The following GLP2R variants were observed in gnomAD, a reference collection of about 807,000 sequenced individuals.
The protein encoded by GLP2R is glucagon like peptide 2 receptor.
In GLP2R, 59 loss-of-function variants were observed where a neutral mutation model predicts 68.2. That is an observed-to-expected ratio of 0.87 (90% CI 0.70 to 1.07). The LOEUF is 1.07. Ranked by LOEUF, GLP2R falls within the 50% of genes least tolerant of loss-of-function variation. The pLI is 0.00. For synonymous variants in GLP2R, 270 were observed against 265.4 expected (o/e 1.02, Z -0.17); for missense variants, 548 against 677.4 (o/e 0.81, Z 2.12).
intron 9 of GLP2R, 32 bp downstream of exon 9, chr17:9,862,122 G>A (rs79952508): frequency 2.0e-5 from 31 of 1,525,126 alleles, no homozygotes; most frequent in East Asian, 6.8e-5. Flanking sequence ...TCTTTGTCTC[G>A]GAGCCTAGCA....
intron 3 of GLP2R, among the ~76,000 whole-genome samples, chr17:9,842,116 G>A (rs9904617): frequency 0.11 from 16,560 of 152,114 alleles, 1,051 homozygotes; most frequent in Middle Eastern, 0.2. Context: ...TGTCAGCCAC[G>A]TGCCCACCAC....
rs762695419 is a variant in GLP2R at position 9,842,478 on chromosome 17, G to A, written c.383-17G>A. 6.2e-7 allele frequency: 1 copy of A among 1,614,050 alleles called. No individual in the cohort carries two copies. Among genetic ancestry groups the A allele is most frequent in the Non-Finnish European group, 8.5e-7 (1 of 1,179,956 alleles). ...TGTGTGTTCTGACCTTTCCTCCAGA[G>A]CTTTGTTTACTTTCAGAGAGCTCAG... On this transcript the variant is annotated splice_polypyrimidine_tract_variant and intron_variant, in intron 3 of 12. Transcript: ENST00000262441.
intron 1 of GLP2R, among the ~76,000 whole-genome samples, chr17:9,830,614 G>A (rs2066671775): frequency 6.6e-6 from 1 of 152,162 alleles, no homozygotes; most frequent in Admixed American, 6.5e-5. Flanking sequence ...CTGTGTGCTT[G>A]TATACCCCAG....
chr17:9,844,851 C>A (rs1297891046), intron 4 of GLP2R, among the ~76,000 whole-genome samples: 2 of 150,472 alleles, frequency 1.3e-5, no homozygotes, highest in African/African-American at 2.4e-5. Flanking sequence ...CCACCACGCC[C>A]GTCTAATTTT....
chr17:9,879,981 A>C (rs2067180834), intron 10 of GLP2R, among the ~76,000 whole-genome samples: 1 of 152,196 alleles, frequency 6.6e-6, no homozygotes, highest in South Asian at 2.1e-4. Flanking sequence ...AGTCCGGAGT[A>C]AAGAAAGAGA....
At chr17:9,826,911 G>C (rs1045054187) in intron 1 of GLP2R, among the ~76,000 whole-genome samples, 3 of 151,928 alleles carry the variant, frequency 2.0e-5, no homozygotes, top group African/African-American at 7.3e-5. Context: ...TCGCTCTGTC[G>C]CCCAGGCTGA....
At chr17:9,880,553 G>A in intron 11 of GLP2R, 37 bp downstream of exon 11, 1 of 1,472,548 alleles carries the variant, frequency 6.8e-7, no homozygotes, top group Non-Finnish European at 9.3e-7. Context: ...CTTGACTTTG[G>A]AGAAAACAAA....
chr17:9,867,127 A>G (rs1435452111), intron 9 of GLP2R: 1 of 152,218 alleles, frequency 6.6e-6, no homozygotes, highest in Non-Finnish European at 1.5e-5. Context: ...AACTTGGTCA[A>G]ATTTGAGCCT....
intron 3 of GLP2R, among the ~76,000 whole-genome samples, chr17:9,841,076 G>A (rs191233533): frequency 8.1e-5 from 12 of 149,056 alleles, no homozygotes; most frequent in African/African-American, 3.0e-4. Flanking sequence ...GAATGCAATG[G>A]CGTGATCTCA....
chr17:9,884,086 A>C (rs1049990716), intron 11 of GLP2R, among the ~76,000 whole-genome samples: 3 of 152,202 alleles, frequency 2.0e-5, no homozygotes, highest in African/African-American at 7.2e-5. Flanking sequence ...CAAGAATATC[A>C]CAGGAGAAGA....
chr17:9,883,820 A>C (rs2067217822), intron 11 of GLP2R, among the ~76,000 whole-genome samples: 1 of 152,210 alleles, frequency 6.6e-6, no homozygotes, highest in African/African-American at 2.4e-5. Context: ...ACTGAGAGAA[A>C]TCATTATTGG....
Position 9,841,165 on chromosome 17 carries a change from C to T in GLP2R, c.383-1330C>T, listed in dbSNP as rs143922608. Among the ~76,000 whole-genome samples the T allele has an allele frequency of 6.2e-3, 932 of 150,692 alleles. 12 individuals carry two copies. Among genetic ancestry groups the T allele is most frequent in the African/African-American group, 0.021 (845 of 41,048 alleles). On this transcript the variant is annotated intron_variant, in intron 3 of 12. Coordinates refer to ENST00000262441, the MANE Select transcript of GLP2R (RefSeq NM_004246.3). ...CCTAGTAGCTGGGACTACAGGAGCT[C>T]GCTACCATGCCTAGCTAATTTTTTT...
chr17:9,828,002 C>T lies in GLP2R; in HGVS notation c.189+1750C>T, dbSNP rs111980252. Among the ~76,000 whole-genome samples, 954 of 150,880 alleles carry T rather than the reference C, an allele frequency of 6.3e-3. 5 individuals are homozygous for T. The highest frequency in any genetic ancestry group is 0.021 in the African/African-American group (865 of 40,846). The stretch of plus-strand genomic sequence containing the variant: ...AAAAGGAATGGCTGTCTTCCTCCTT[C>T]GTTCCATGGGCAGGGTGAGTCCCTG... On this transcript the variant is annotated intron_variant, in intron 1 of 12. Transcript: ENST00000262441.
At chr17:9,884,866 C>T (rs1020590127) in intron 11 of GLP2R, among the ~76,000 whole-genome samples, 1 of 152,040 alleles carries the variant, frequency 6.6e-6, no homozygotes, top group African/African-American at 2.4e-5. Context: ...AAAAGGTAGT[C>T]CTAAATTAGA....
chr17:9,861,535 C>T (rs895890221), intron 8 of GLP2R, among the ~76,000 whole-genome samples: 2 of 152,134 alleles, frequency 1.3e-5, no homozygotes, highest in African/African-American at 4.8e-5. Flanking sequence ...ACTGAATGCT[C>T]ATCAATATGG....
At chr17:9,855,782 A>T (rs1169151147) in intron 5 of GLP2R, among the ~76,000 whole-genome samples, 5 of 152,228 alleles carry the variant, frequency 3.3e-5, no homozygotes, top group Non-Finnish European at 7.3e-5. Context: ...TGGGTGATGA[A>T]GCCAGGATCA....
chr17:9,880,227 C>T, intron 10 of GLP2R, 151 bp from the exon 11 acceptor site: 1 of 608,618 alleles, frequency 1.6e-6, no homozygotes, highest in Non-Finnish European at 2.9e-6. Flanking sequence ...CACAATGGCC[C>T]TGAAGCGTTA....
rs1015190006 is a variant in GLP2R at position 9,881,134 on chromosome 17, C to T, written c.1284+618C>T. Among the ~76,000 whole-genome samples, 9 of 152,230 alleles carry T rather than the reference C, an allele frequency of 5.9e-5. No individual in the cohort carries two copies. The South Asian group carries it at 1.9e-3, about 32-fold the overall frequency. On this transcript the variant is annotated intron_variant, in intron 11 of 12. Transcript: ENST00000262441. The stretch of plus-strand genomic sequence containing the variant: ...GTAGGACCTAGTAGGGATGGCTAAC[C>T]TTTGCTTCTGTGATGCCTCCTGGGG...
At chr17:9,864,479 T>C (rs953652404) in intron 9 of GLP2R, among the ~76,000 whole-genome samples, 3 of 118,358 alleles carry the variant, frequency 2.5e-5, no homozygotes, top group African/African-American at 1.2e-4. Flanking sequence ...TGTAGTTTTT[T>C]CTGTTTTTTT....
Sources: gnomAD v4.1 joint callset for allele counts (sites outside exome capture counted in the v4.1 genomes callset) on GRCh38, gnomAD v4.1.1 for gene constraint, MANE v1.5 for transcripts, NCBI Gene and HGNC (gene_info 2026-07-23, HGNC 2026-07-21) for gene names.